MAGI1: variants seen among roughly 807,000 people sequenced by gnomAD.
MAGI1 encodes the protein membrane-associated guanylate kinase, WW and PDZ domain-containing protein 1.
In MAGI1, 58 loss-of-function variants were observed where a neutral mutation model predicts 139.9. The observed-to-expected ratio is 0.41, with a 90% CI of 0.34 to 0.52. The LOEUF (loss-of-function observed/expected upper bound fraction) is 0.52, where lower values mean the gene tolerates loss of function less well. Among genes scored for constraint, MAGI1 ranks in the 20% least tolerant of loss-of-function variants. The pLI is 0.12. For missense variants in MAGI1, 1,874 were observed against 1,901.6 expected (o/e 0.99, Z 0.27); for synonymous variants, 812 against 737.9 (o/e 1.10, Z -1.63).
intron 1 of MAGI1, among the ~76,000 whole-genome samples, chr3:65,637,107 C>T (rs1197829725): frequency 6.6e-6 from 1 of 152,144 alleles, no homozygotes; most frequent in Non-Finnish European, 1.5e-5. Flanking sequence ...TGGTGTATTC[C>T]CTAGTTACTG....
At chr3:65,819,875 C>CAAAAACAAAAAAAAAAAAA (rs2041840261) in intron 1 of MAGI1, among the ~76,000 whole-genome samples, 1 of 33,454 alleles carries the variant, frequency 3.0e-5, no homozygotes, top group Non-Finnish European at 6.4e-5. Context: ...GACTCCATCT[C>CAAAAACAAAAAAAAAAAAA]AAAAAAAAAA....
rs141811134 is a variant in MAGI1 at position 65,665,655 on chromosome 3, A to G, written c.314-43567T>C. Among the ~76,000 whole-genome samples, 21 of 152,292 alleles carry G rather than the reference A, an allele frequency of 1.4e-4. 1 individual carries two copies. Among genetic ancestry groups the G allele is most frequent in the Admixed American group, 5.9e-4 (9 of 15,294 alleles). On this transcript the variant is annotated intron_variant, in intron 1 of 22. Coordinates refer to ENST00000402939, the MANE Select transcript of MAGI1 (RefSeq NM_001033057.2). ...CTTAGCAGATCAGTATTTGCTAATT[A>G]AGTGTTCATGGTGACCTTATACAAC...
intron 1 of MAGI1, among the ~76,000 whole-genome samples, chr3:65,925,920 C>T (rs768827058): frequency 8.5e-4 from 129 of 152,146 alleles, no homozygotes; most frequent in Non-Finnish European, 8.5e-4. Context: ...TAAAGCGATC[C>T]ACCTGCCTCA....
At chr3:65,796,742 G>A (rs1174220261) in intron 1 of MAGI1, among the ~76,000 whole-genome samples, 1 of 152,218 alleles carries the variant, frequency 6.6e-6, no homozygotes, top group Admixed American at 6.5e-5. Flanking sequence ...GGTGCCGATA[G>A]TAAATACTGT....
chr3:65,477,267 G>A (rs1950943901), intron 4 of MAGI1, among the ~76,000 whole-genome samples: 1 of 152,070 alleles, frequency 6.6e-6, no homozygotes, highest in Admixed American at 6.5e-5. Flanking sequence ...AAAAACCTAA[G>A]TGAGGCCCAT....
At chr3:65,847,149 CTT>C (rs980471233) in intron 1 of MAGI1, among the ~76,000 whole-genome samples, 3 of 152,068 alleles carry the variant, frequency 2.0e-5, no homozygotes, top group African/African-American at 7.2e-5. Flanking sequence ...AATTTTCTTT[CTT>C]ATAAATACAA....
intron 2 of MAGI1, among the ~76,000 whole-genome samples, chr3:65,612,429 T>G (rs935665226): frequency 1.1e-4 from 17 of 152,154 alleles, no homozygotes; most frequent in African/African-American, 3.9e-4. Flanking sequence ...TCATTCACCA[T>G]GGCCATTTAC....
intron 1 of MAGI1, among the ~76,000 whole-genome samples, chr3:65,866,431 A>C (rs775656182): frequency 3.9e-4 from 59 of 151,798 alleles, no homozygotes; most frequent in Non-Finnish European, 7.7e-4. Context: ...TAAAAGAAAA[A>C]GGAAAAGAAA....
chr3:66,012,771 A>C (rs1052140471), intron 1 of MAGI1, among the ~76,000 whole-genome samples: 1 of 151,796 alleles, frequency 6.6e-6, no homozygotes, highest in Non-Finnish European at 1.5e-5. Context: ...ATCTCAAAAA[A>C]AAAAAAAAAA....
chr3:65,506,664 A>G (rs1443785360), intron 2 of MAGI1, among the ~76,000 whole-genome samples: 1 of 152,178 alleles, frequency 6.6e-6, no homozygotes, highest in Non-Finnish European at 1.5e-5. Flanking sequence ...GATCCATAAG[A>G]AAATGCCTAC....
intron 22 of MAGI1, chr3:65,360,767 T>A (rs1940764233): frequency 9.9e-7 from 1 of 1,013,454 alleles, no homozygotes; most frequent in Admixed American, 5.2e-5. Context: ...GCCTCTTAAA[T>A]AAAGACACCA....
At chr3:65,597,636 C>T in intron 2 of MAGI1, 1 of 455,476 alleles carries the variant, frequency 2.2e-6, no homozygotes, top group South Asian at 1.5e-5. Context: ...ACACCACACA[C>T]GGCATCTTCA....
intron 1 of MAGI1, among the ~76,000 whole-genome samples, chr3:65,835,031 G>T (rs74420491): frequency 6.6e-6 from 1 of 152,026 alleles, no homozygotes; most frequent in Non-Finnish European, 1.5e-5. Context: ...TTTAGTCCAC[G>T]CTGCCAATCT....
chr3:65,648,328 T>C (rs1469992961), intron 1 of MAGI1, among the ~76,000 whole-genome samples: 1 of 149,966 alleles, frequency 6.7e-6, no homozygotes, highest in Non-Finnish European at 1.5e-5. Flanking sequence ...CGCGTGCGCG[T>C]GCACACAGAC....
At chr3:65,375,118 T>C (rs1393689167) in intron 18 of MAGI1, among the ~76,000 whole-genome samples, 1 of 152,168 alleles carries the variant, frequency 6.6e-6, no homozygotes, top group Non-Finnish European at 1.5e-5. Flanking sequence ...TTAAAACTAT[T>C]TTATAGTGTT....
At chr3:66,033,127 C>G (rs2068729747) in intron 1 of MAGI1, among the ~76,000 whole-genome samples, 2 of 151,794 alleles carry the variant, frequency 1.3e-5, no homozygotes, top group Non-Finnish European at 2.9e-5. Flanking sequence ...CTCCTGGTCT[C>G]AAGCGATTCT....
intron 2 of MAGI1, among the ~76,000 whole-genome samples, chr3:65,597,133 C>T (rs2082245947): frequency 6.6e-6 from 1 of 152,068 alleles, no homozygotes; most frequent in South Asian, 2.1e-4. Context: ...CCAACACCTG[C>T]TGGAGCCTAT....
Position 65,442,783 on chromosome 3 carries a change from G to C in MAGI1, c.1136+9C>G. On this transcript the variant is annotated intron_variant, in intron 8 of 22. Coordinates refer to ENST00000402939, the MANE Select transcript of MAGI1 (RefSeq NM_001033057.2). ...TAAACTAATGTGTGGATTGTGAATG[G>C]GCACTTACTCTACATAGTAGATACC... 2 of 1,606,264 alleles carry C rather than the reference G, an allele frequency of 1.2e-6. No homozygotes were observed. The highest frequency in any genetic ancestry group is 1.7e-6 in the Non-Finnish European group (2 of 1,173,640).
chr3:65,614,529 A>G (rs1299570631), intron 2 of MAGI1, among the ~76,000 whole-genome samples: 1 of 152,198 alleles, frequency 6.6e-6, no homozygotes, highest in Non-Finnish European at 1.5e-5. Context: ...TTCCTGACAC[A>G]TTGGGCATAC....
Sources: allele counts gnomAD v4.1 joint callset (sites outside exome capture counted in the v4.1 genomes callset), GRCh38; gene constraint gnomAD v4.1.1; transcripts MANE v1.5; gene names NCBI Gene and HGNC (gene_info 2026-07-23, HGNC 2026-07-21).